Variants in CPS1 observed in about 807,000 individuals in gnomAD.
CPS1 encodes the protein carbamoyl-phosphate synthase [ammonia], mitochondrial.
A neutral mutation model predicts 174.6 loss-of-function variants in CPS1; 109 were observed. The ratio of observed to expected loss-of-function variants is 0.62; its 90% CI spans 0.53 to 0.73. The LOEUF is 0.73. CPS1 is among the 30% of genes least tolerant of loss of function. The pLI is 0.00. For synonymous variants in CPS1, 637 were observed against 632.0 expected (o/e 1.01, Z -0.12); for missense variants, 1,689 against 1,821.9 (o/e 0.93, Z 1.33).
chr2:210,542,945 C>G (rs1696470760), intron 1 of CPS1, among the ~76,000 whole-genome samples: 1 of 152,116 alleles, frequency 6.6e-6, no homozygotes, highest in Non-Finnish European at 1.5e-5. Flanking sequence ...AGGGAAGGTT[C>G]TGGACCACAA....
At chr2:210,639,618 CAAAAAAAA>C (rs397987630) in intron 23 of CPS1, among the ~76,000 whole-genome samples, 1 of 32,058 alleles carries the variant, frequency 3.1e-5, no homozygotes, top group East Asian at 1.2e-3. Flanking sequence ...GACTCCGTCT[CAAAAAAAA>C]AAAAAAAAAA....
rs187497335 is a variant in CPS1 at position 210,633,305 on chromosome 2, A to T, written c.2688-4397A>T. Among the ~76,000 whole-genome samples the T allele has an allele frequency of 2.0e-5, 3 of 152,086 alleles. No individual in the cohort carries two copies. In the East Asian group the frequency reaches 5.8e-4, roughly 29 times the overall value. On this transcript the variant is annotated intron_variant, in intron 21 of 37. Transcript: ENST00000233072. Reference sequence around the variant, plus strand: ...CCAGAGCTGAGTACAAAATTAACTCACTTCACTTTTTAATGCACAAGGCCA... The same window carrying T: ...CCAGAGCTGAGTACAAAATTAACTCTCTTCACTTTTTAATGCACAAGGCCA...
chr2:210,513,274 G>C (rs1695580674), intron 1 of CPS1, among the ~76,000 whole-genome samples: 2 of 151,072 alleles, frequency 1.3e-5, no homozygotes, highest in African/African-American at 4.9e-5. Context: ...TACAGTAGCT[G>C]AGCTAATTTA....
chr2:210,483,158 G>GATCTATACCTT (rs1694622071), intron 1 of CPS1, among the ~76,000 whole-genome samples: 1 of 152,096 alleles, frequency 6.6e-6, no homozygotes, highest in African/African-American at 2.4e-5. Context: ...TAAGCCAGGG[G>GATCTATACCTT]TAAGCAAAGT....
intron 21 of CPS1, among the ~76,000 whole-genome samples, chr2:210,621,204 A>G (rs570504873): frequency 6.6e-6 from 1 of 152,232 alleles, no homozygotes; most frequent in Admixed American, 6.5e-5. Context: ...TAACTGACCT[A>G]GGGTGATAAC....
At chr2:210,539,048 G>A (rs758974461) in intron 1 of CPS1, among the ~76,000 whole-genome samples, 14 of 152,016 alleles carry the variant, frequency 9.2e-5, no homozygotes, top group East Asian at 1.9e-4. Context: ...ATTGCTTTCC[G>A]CACTCATTGG....
At chr2:210,517,356 G>T (rs564158585) in intron 1 of CPS1, among the ~76,000 whole-genome samples, 1 of 151,966 alleles carries the variant, frequency 6.6e-6, no homozygotes, top group Non-Finnish European at 1.5e-5. Context: ...AGTCCACGGC[G>T]TGCTCATGAC....
chr2:210,591,397 C>T (rs577955447), intron 9 of CPS1, among the ~76,000 whole-genome samples: 1 of 152,038 alleles, frequency 6.6e-6, no homozygotes, highest in South Asian at 2.1e-4. Context: ...AAACATCAGG[C>T]TTTTTCCCAT....
chr2:210,580,858 C>CA (rs369186272), intron 5 of CPS1, among the ~76,000 whole-genome samples: 20,172 of 95,108 alleles, frequency 0.21, 1,575 homozygotes, highest in Middle Eastern at 0.3. Context: ...GACCCTGTCT[C>CA]AAAAAAAAAA....
chr2:210,585,364 TATC>T (rs1310971505), intron 6 of CPS1, among the ~76,000 whole-genome samples: 1 of 152,022 alleles, frequency 6.6e-6, no homozygotes, highest in Non-Finnish European at 1.5e-5. Context: ...ATAATAAAAT[TATC>T]ATTATTACTA....
At chr2:210,652,836 A>G (rs994019327) in intron 28 of CPS1, among the ~76,000 whole-genome samples, 4 of 152,180 alleles carry the variant, frequency 2.6e-5, no homozygotes, top group Admixed American at 2.6e-4. Flanking sequence ...GAAAGCAATC[A>G]CTGAGGGAGA....
At chr2:210,480,285 T>A (rs1021854179) in intron 1 of CPS1, among the ~76,000 whole-genome samples, 4 of 152,174 alleles carry the variant, frequency 2.6e-5, no homozygotes, top group African/African-American at 9.7e-5. Flanking sequence ...CGTGTTCTAC[T>A]GGTGAGGATT....
At chr2:210,487,765 T>G (rs959245611) in intron 1 of CPS1, among the ~76,000 whole-genome samples, 1 of 152,148 alleles carries the variant, frequency 6.6e-6, no homozygotes, top group African/African-American at 2.4e-5. Flanking sequence ...CTCATTCAAG[T>G]GTTCGGATAG....
At chr2:210,520,725 C>A (rs980793183) in intron 1 of CPS1, among the ~76,000 whole-genome samples, 2 of 151,994 alleles carry the variant, frequency 1.3e-5, no homozygotes, top group African/African-American at 4.8e-5. Context: ...TAGCTTCTTT[C>A]ACCAAACATT....
intron 21 of CPS1, among the ~76,000 whole-genome samples, chr2:210,628,256 T>A (rs1699752444): frequency 6.6e-6 from 1 of 152,218 alleles, no homozygotes; most frequent in African/African-American, 2.4e-5. Context: ...TCATGGATTT[T>A]AATGTGCATT....
Position 210,616,990 on chromosome 2 carries a change from C to T in CPS1, c.2687+449C>T, listed in dbSNP as rs143850110. Among the ~76,000 whole-genome samples the T allele has an allele frequency of 4.4e-3, 666 of 152,002 alleles. 7 individuals carry two copies. Among genetic ancestry groups the T allele is most frequent in the African/African-American group, 0.015 (611 of 41,502 alleles). On this transcript the variant is annotated intron_variant, in intron 21 of 37. Transcript: ENST00000233072. Reference sequence around the variant, plus strand: ...CTGTATATTGAGGAGAAAATGCATTCCTTTTGCGCTCTACTGTTTTTAAAT... The same window carrying T: ...CTGTATATTGAGGAGAAAATGCATTTCTTTTGCGCTCTACTGTTTTTAAAT...
intron 1 of CPS1, among the ~76,000 whole-genome samples, chr2:210,508,824 A>G (rs1695364947): frequency 6.6e-6 from 1 of 152,196 alleles, no homozygotes; most frequent in African/African-American, 2.4e-5. Flanking sequence ...CCCAAGACTA[A>G]ACCAGGAAGA....
At chr2:210,651,561 CTGGT>C (rs1700559682) in intron 28 of CPS1, among the ~76,000 whole-genome samples, 1 of 152,214 alleles carries the variant, frequency 6.6e-6, no homozygotes, top group Non-Finnish European at 1.5e-5. Flanking sequence ...CTGTACTCAG[CTGGT>C]CTCATGTGAG....
intron 21 of CPS1, among the ~76,000 whole-genome samples, chr2:210,636,671 A>G (rs1370351151): frequency 1.3e-5 from 2 of 152,042 alleles, no homozygotes; most frequent in Non-Finnish European, 2.9e-5. Context: ...TTCTATGTCC[A>G]TCGTTCCAAG....
Sources: allele counts gnomAD v4.1 joint callset (sites outside exome capture counted in the v4.1 genomes callset), GRCh38; gene constraint gnomAD v4.1.1; transcripts MANE v1.5; gene names NCBI Gene and HGNC (gene_info 2026-07-23, HGNC 2026-07-21).